DIAPH1: variants seen among roughly 807,000 people sequenced by gnomAD.
The protein encoded by DIAPH1 is diaphanous related formin 1.
A neutral mutation model predicts 140.7 loss-of-function variants in DIAPH1; 46 were observed. That is an observed-to-expected ratio of 0.33 (90% CI 0.26 to 0.42). The LOEUF (loss-of-function observed/expected upper bound fraction) is 0.42. DIAPH1 is among the 10% of genes least tolerant of loss of function. The pLI, the probability that DIAPH1 is intolerant of heterozygous loss-of-function variation, is 1.00. For missense variants in DIAPH1, 1,310 were observed against 1,558.7 expected (o/e 0.84, Z 2.69); for synonymous variants, 565 against 551.6 (o/e 1.02, Z -0.34).
intron 2 of DIAPH1, 43 bp from the exon 3 acceptor site, chr5:141,587,240 T>C: frequency 6.2e-7 from 1 of 1,603,770 alleles, no homozygotes; most frequent in South Asian, 1.1e-5. Flanking sequence ...CATTTTCACT[T>C]ACATAACAAG....
intron 1 of DIAPH1, among the ~76,000 whole-genome samples, chr5:141,595,972 C>T (rs2099899253): frequency 6.6e-6 from 1 of 151,926 alleles, no homozygotes; most frequent in African/African-American, 2.4e-5. Flanking sequence ...TGGCTTGGGC[C>T]CAGGAGTTGG....
intron 24 of DIAPH1, among the ~76,000 whole-genome samples, chr5:141,527,201 G>A (rs1340555426): frequency 2.0e-5 from 3 of 152,016 alleles, no homozygotes; most frequent in Non-Finnish European, 2.9e-5. Context: ...AATGCTCTCA[G>A]GAACTATGCA....
Position 141,526,443 on chromosome 5 carries a change from G to C in DIAPH1, c.3292C>G (p.Gln1098Glu). ...EKMTSFVKDA[Q>E]EQYNKLRMMH... The stretch of plus-strand genomic sequence containing the variant: ...ATCCGCAGCTTGTTATACTGTTCCT[G>C]TGCATCCTTCACAAAGCTGTGCAGC... Residue 1098 changes from glutamine to glutamate, a missense_variant, in exon 25 of 28, where the codon CAG (glutamine) becomes GAG (glutamate). Physicochemically the swap from Gln to Glu is conservative, Grantham distance 29 (BLOSUM62 2). Around this residue, in one of 3 missense-constraint regions of DIAPH1, gnomAD observed 344 missense variants for 512.2 expected, o/e 0.67. Transcript: ENST00000389054. The C allele has an allele frequency of 6.2e-7, 1 of 1,614,124 alleles. No individual in the cohort carries two copies. The highest frequency in any genetic ancestry group is 8.5e-7 in the Non-Finnish European group (1 of 1,180,034).
chr5:141,539,833 A>C (rs561107186), intron 18 of DIAPH1, among the ~76,000 whole-genome samples: 5 of 151,932 alleles, frequency 3.3e-5, no homozygotes, highest in Admixed American at 2.0e-4. Flanking sequence ...CAATCTGGCT[A>C]AAGTTTTATG....
intron 18 of DIAPH1, among the ~76,000 whole-genome samples, chr5:141,556,233 T>C (rs1054812160): frequency 6.6e-6 from 1 of 152,160 alleles, no homozygotes; most frequent in Admixed American, 6.5e-5. Flanking sequence ...GTATTATATT[T>C]TTTCTTTCTG....
At chr5:141,551,931 A>G (rs2099891751) in intron 18 of DIAPH1, among the ~76,000 whole-genome samples, 1 of 152,204 alleles carries the variant, frequency 6.6e-6, no homozygotes, top group South Asian at 2.1e-4. Flanking sequence ...ATTTCTAAAG[A>G]CTGAAATCAC....
intron 27 of DIAPH1, chr5:141,518,880 T>C (rs1169563456): frequency 1.3e-6 from 2 of 1,491,086 alleles, no homozygotes; most frequent in African/African-American, 2.8e-5. Flanking sequence ...AGAGCTACTG[T>C]TTTCATCCCA....
At chr5:141,580,560 A>G (rs2099896600) in intron 8 of DIAPH1, among the ~76,000 whole-genome samples, 184 bp downstream of exon 8, 1 of 152,170 alleles carries the variant, frequency 6.6e-6, no homozygotes, top group Non-Finnish European at 1.5e-5. Context: ...AACATTCAGG[A>G]TAGCACCCAT....
At chr5:141,523,714 T>G (rs2099886890) in intron 27 of DIAPH1, among the ~76,000 whole-genome samples, 1 of 151,396 alleles carries the variant, frequency 6.6e-6, no homozygotes, top group African/African-American at 2.4e-5. Flanking sequence ...CTTTCTATTA[T>G]TAGTTCTCTC....
At chr5:141,594,632 A>G (rs748242370) in intron 1 of DIAPH1, among the ~76,000 whole-genome samples, 78 of 152,110 alleles carry the variant, frequency 5.1e-4, no homozygotes, top group Admixed American at 9.2e-4. Context: ...AATCCCAGCT[A>G]CTTGGGAGGC....
intron 18 of DIAPH1, among the ~76,000 whole-genome samples, chr5:141,547,896 TA>T (rs558901029): frequency 3.3e-5 from 5 of 149,846 alleles, no homozygotes; most frequent in Admixed American, 6.7e-5. Flanking sequence ...AAATCAGAGT[TA>T]AAAAAAAAAT....
At chr5:141,542,567 A>G (rs2099890163) in intron 18 of DIAPH1, among the ~76,000 whole-genome samples, 1 of 152,248 alleles carries the variant, frequency 6.6e-6, no homozygotes, top group African/African-American at 2.4e-5. Context: ...AGAATTCTCA[A>G]AAACATCATG....
Position 141,574,953 on chromosome 5 carries a change from T to C in DIAPH1, c.1641+14A>G, listed in dbSNP as rs763932885. 1 of 1,614,152 alleles carries C rather than the reference T, an allele frequency of 6.2e-7. No individual in the cohort carries two copies. The highest frequency in any genetic ancestry group is 8.5e-7 in the Non-Finnish European group (1 of 1,179,996). On this transcript the variant is annotated intron_variant, in intron 15 of 27. Transcript: ENST00000389054. ...AGGTTACAGGTCATTCTGCCTTCCCTGCTCAGGCATTACCTCTCCTGTGAG... is the reference window on the plus strand; with the variant it reads ...AGGTTACAGGTCATTCTGCCTTCCCCGCTCAGGCATTACCTCTCCTGTGAG...
intron 11 of DIAPH1, 113 bp from the exon 12 acceptor site, chr5:141,577,704 C>A: frequency 1.3e-6 from 1 of 755,870 alleles, no homozygotes; most frequent in Non-Finnish European, 2.4e-6. Flanking sequence ...CACTTCCATT[C>A]TACTGGCTGT....
In DIAPH1 at chr5:141,565,993, G is replaced by A. The variant is rs2154596068; in HGVS notation, c.2482+5435C>T. ...GATTGTGGTTTTGCCAATCGAGTAT[G>A]AAATGAGAGAGATAATGGAAGAACA... On this transcript the variant is annotated intron_variant, in intron 18 of 27. Coordinates refer to ENST00000389054, the MANE Select transcript of DIAPH1 (RefSeq NM_005219.5). This position sits in a 1 kb window ranked among gnomAD's most constrained non-coding sequence, Gnocchi z 4.3. Among the ~76,000 whole-genome samples the A allele has an allele frequency of 6.6e-6, 1 of 152,304 alleles. No homozygotes were observed. The highest frequency in any genetic ancestry group is 2.4e-5 in the African/African-American group (1 of 41,556).
intron 19 of DIAPH1, among the ~76,000 whole-genome samples, chr5:141,532,433 G>A (rs2099888374): frequency 6.6e-6 from 1 of 152,164 alleles, no homozygotes; most frequent in South Asian, 2.1e-4. Flanking sequence ...GCTTCCTGCT[G>A]GGATTACAGG....
At chr5:141,519,861 T>C (rs1388931971) in intron 27 of DIAPH1, among the ~76,000 whole-genome samples, 2 of 152,136 alleles carry the variant, frequency 1.3e-5, no homozygotes, top group African/African-American at 2.4e-5. Context: ...TCACTTGTTA[T>C]TAGACTATTG....
intron 1 of DIAPH1, among the ~76,000 whole-genome samples, chr5:141,599,119 A>G (rs969586671): frequency 6.6e-6 from 1 of 152,212 alleles, no homozygotes; most frequent in African/African-American, 2.4e-5. Flanking sequence ...GTAGCCAAGC[A>G]AAAGGTAATT....
At chr5:141,585,185 G>A (rs2099897341) in intron 3 of DIAPH1, among the ~76,000 whole-genome samples, 1 of 152,026 alleles carries the variant, frequency 6.6e-6, no homozygotes, top group African/African-American at 2.4e-5. Context: ...TTGAACTGCT[G>A]ACCTCGTGAT....
Sources: allele counts gnomAD v4.1 joint callset (sites outside exome capture counted in the v4.1 genomes callset), GRCh38; gene constraint gnomAD v4.1.1; regional missense constraint gnomAD v4.1.1; non-coding constraint Gnocchi (gnomAD v3.1); transcripts MANE v1.5; gene names NCBI Gene and HGNC (gene_info 2026-07-23, HGNC 2026-07-21).